The following SEC24D variants were observed in gnomAD, a reference collection of about 807,000 sequenced individuals.
SEC24D encodes the protein SEC24 homolog D, COPII component.
In SEC24D, 69 loss-of-function variants were observed where a neutral mutation model predicts 116.9. The ratio of observed to expected loss-of-function variants is 0.59; its 90% CI spans 0.49 to 0.72. The LOEUF is 0.72. SEC24D is among the 30% of genes least tolerant of loss of function. The pLI, the probability that SEC24D is intolerant of heterozygous loss-of-function variation, is 0.00. For synonymous variants in SEC24D, 405 were observed against 442.8 expected (o/e 0.91, Z 1.07); for missense variants, 1,131 against 1,264.1 (o/e 0.89, Z 1.60).
Position 118,805,395 on chromosome 4 carries a change from C to T in SEC24D, c.913+448G>A, listed in dbSNP as rs114074358. Among the ~76,000 whole-genome samples the T allele has an allele frequency of 3.3e-3, 509 of 152,250 alleles. 3 individuals are homozygous for T. The highest frequency in any genetic ancestry group is 0.012 in the African/African-American group (485 of 41,550). ...CAGCAGAGATGCAGCTCAGCTTCTC[C>T]TCTTTCCAGTTTAAATGTGGGAAAA... On this transcript the variant is annotated intron_variant, in intron 7 of 22. Coordinates refer to ENST00000280551, the MANE Select transcript of SEC24D (RefSeq NM_014822.4).
chr4:118,723,562 C>A lies in SEC24D; in HGVS notation c.3052G>T (p.Asp1018Tyr). The A allele has an allele frequency of 1.2e-6, 2 of 1,613,774 alleles. No individual in the cohort carries two copies. The highest frequency in any genetic ancestry group is 1.7e-6 in the Non-Finnish European group (2 of 1,179,830). Reference protein sequence around the residue: ...KGLYGGSSYVDFLCCVHKEIC... With the variant: ...KGLYGGSSYVYFLCCVHKEIC... ...TCCTTGTGAACACAACAAAGGAAAT[C>A]CACATAAGAAGAGCCTCCGTAAAGT... Residue 1018 changes from aspartate (D) to tyrosine (Y), a missense_variant, in exon 23 of 23, where the codon GAT becomes TAT. Transcript: ENST00000280551.
intron 8 of SEC24D, among the ~76,000 whole-genome samples, chr4:118,774,430 T>C (rs1283581620): frequency 1.3e-5 from 2 of 152,198 alleles, no homozygotes; most frequent in Non-Finnish European, 1.5e-5. Flanking sequence ...TTCTCATTTA[T>C]AAAATCTCAA....
intron 8 of SEC24D, among the ~76,000 whole-genome samples, chr4:118,779,492 G>C (rs1728300501): frequency 6.6e-6 from 1 of 152,146 alleles, no homozygotes; most frequent in Admixed American, 6.5e-5. Context: ...ATGTGCTGTT[G>C]GATTCGGTTT....
intron 18 of SEC24D, among the ~76,000 whole-genome samples, chr4:118,738,711 A>G (rs1048763678): frequency 2.0e-5 from 3 of 152,182 alleles, no homozygotes; most frequent in Non-Finnish European, 2.9e-5. Flanking sequence ...TACCTTTTCC[A>G]AACTTTAGTG....
At chr4:118,818,958 G>A (rs1730272684) in intron 3 of SEC24D, among the ~76,000 whole-genome samples, 1 of 152,074 alleles carries the variant, frequency 6.6e-6, no homozygotes, top group East Asian at 1.9e-4. Flanking sequence ...AGCACCCTTT[G>A]ACTTAAATAC....
chr4:118,744,996 C>T lies in SEC24D; in HGVS notation c.1772G>A (p.Gly591Glu). 6.2e-7 allele frequency: 1 copy of T among 1,612,088 alleles called. No individual in the cohort carries two copies. The highest frequency in any genetic ancestry group is 1.3e-5 in the African/African-American group (1 of 74,634). ...HSSLPTAEAP[G>E]KLKNRDDKKL... is the part of the protein sequence containing the mutation. ...TTTGTCATCTCTGTTTTTGAGCTTCCCTGGTGCTTCAGCAGTTGGCAAGGA... is the reference window on the plus strand; with the variant it reads ...TTTGTCATCTCTGTTTTTGAGCTTCTCTGGTGCTTCAGCAGTTGGCAAGGA... The change falls in exon 14 of 23, where the codon GGG becomes GAG. Residue 591 changes from glycine (G) to glutamate (E), a missense_variant. Physicochemically the swap from Gly to Glu is moderately conservative, Grantham distance 98 (BLOSUM62 -2). Transcript: ENST00000280551.
At chr4:118,822,305 T>C (rs1730432559) in intron 3 of SEC24D, among the ~76,000 whole-genome samples, 1 of 152,332 alleles carries the variant, frequency 6.6e-6, no homozygotes, top group South Asian at 2.1e-4. Context: ...AAACATGTCC[T>C]GACTCTAGAG....
At position 118,722,983 on chromosome 4, in the gene SEC24D, A is replaced by C. The variant is rs1170438416; in HGVS notation, c.*532T>G. The C allele has an allele frequency of 1.3e-5, 2 of 152,588 alleles. No individual in the cohort carries two copies. Among genetic ancestry groups the C allele is most frequent in the East Asian group, 3.9e-4 (2 of 5,192 alleles). The allele number at this position is 152,588 out of a possible 1,614,324, so 9.5% of individuals were successfully genotyped here. On this transcript the variant is annotated 3_prime_UTR_variant, in exon 23 of 23. Transcript: ENST00000280551. ...TTAACATACACAATATATAATTATG[A>C]AAAAAATGTAGAACACATATTGTTC...
intron 8 of SEC24D, chr4:118,769,855 G>T (rs1310495326): frequency 1.3e-5 from 2 of 152,180 alleles, no homozygotes; most frequent in Non-Finnish European, 2.9e-5. Flanking sequence ...CACTGGTAGG[G>T]GTTGTGACAA....
At chr4:118,739,762 A>T (rs1489470445) in intron 17 of SEC24D, among the ~76,000 whole-genome samples, 1 of 152,194 alleles carries the variant, frequency 6.6e-6, no homozygotes, top group Non-Finnish European at 1.5e-5. Flanking sequence ...ATATGTGATT[A>T]AAAAATAAAC....
rs142415170 is a variant in SEC24D, at chr4:118,812,877, A to G, written c.801+2151T>C. ...AAAGAGCACCCTGTAACACACGCCC[A>G]CTGGGACTTCAGCTGTAAACATTCA... On this transcript the variant is annotated intron_variant, in intron 6 of 22. Transcript: ENST00000280551. 6.6e-5 allele frequency among the ~76,000 whole-genome samples: 10 copies of G among 152,224 alleles called. No homozygotes were observed. In the East Asian group the frequency reaches 1.9e-3, roughly 29 times the overall value.
At chr4:118,739,829 G>A (rs1726144844) in intron 17 of SEC24D, among the ~76,000 whole-genome samples, 1 of 152,156 alleles carries the variant, frequency 6.6e-6, no homozygotes, top group Admixed American at 6.6e-5. Context: ...CTTTAAAGAT[G>A]ATGCCAATGT....
intron 8 of SEC24D, among the ~76,000 whole-genome samples, chr4:118,784,747 C>T (rs926030146): frequency 1.3e-5 from 2 of 151,594 alleles, no homozygotes; most frequent in Non-Finnish European, 2.9e-5. Flanking sequence ...CTGCCCCCCC[C>T]CCCGCCACCA....
intron 11 of SEC24D, among the ~76,000 whole-genome samples, chr4:118,755,126 C>CT (rs998917766): frequency 6.6e-6 from 1 of 151,874 alleles, no homozygotes; most frequent in Non-Finnish European, 1.5e-5. Flanking sequence ...TCCATGGGAA[C>CT]TTTTTTTTAT....
Position 118,728,633 on chromosome 4 carries a change from C to T in SEC24D, c.2886G>A (p.Val962=), listed in dbSNP as rs1332449910. 4 of 1,606,766 alleles carry T rather than the reference C, an allele frequency of 2.5e-6. No individual in the cohort carries two copies. ...TGAGTTGTTGAGAGTATGGGTTTCC[C>T]ACTTCAGGCAGCAATGTCTTAGATT... ...INTDMTLLPE[V]GNPYSQQLRM... The change falls in exon 22 of 23, where the codon GTG becomes GTA. Residue 962 remains valine (V), a synonymous_variant. Transcript: ENST00000280551.
At chr4:118,788,899 G>T (rs1465052070) in intron 8 of SEC24D, among the ~76,000 whole-genome samples, 1 of 152,150 alleles carries the variant, frequency 6.6e-6, no homozygotes, top group Non-Finnish European at 1.5e-5. Context: ...CTACAACCCT[G>T]AGAAGAGTGC....
At chr4:118,820,308 G>A (rs1200660189) in intron 3 of SEC24D, among the ~76,000 whole-genome samples, 1 of 151,566 alleles carries the variant, frequency 6.6e-6, no homozygotes, top group African/African-American at 2.4e-5. Context: ...AGCCTTCCGA[G>A]TAGCTGGGAT....
intron 2 of SEC24D, among the ~76,000 whole-genome samples, chr4:118,826,365 T>C (rs1282470864): frequency 3.3e-5 from 5 of 152,208 alleles, no homozygotes; most frequent in Non-Finnish European, 7.3e-5. Context: ...GTTCTGAGAA[T>C]TAAATGAACC....
chr4:118,777,209 G>A (rs1275869154), intron 8 of SEC24D, among the ~76,000 whole-genome samples: 3 of 152,060 alleles, frequency 2.0e-5, no homozygotes, highest in Non-Finnish European at 2.9e-5. Flanking sequence ...TTGGTTTGCT[G>A]CACCCATTAA....
Sources: gnomAD v4.1 joint callset for allele counts (sites outside exome capture counted in the v4.1 genomes callset) on GRCh38, gnomAD v4.1.1 for gene constraint, MANE v1.5 for transcripts, NCBI Gene and HGNC (gene_info 2026-07-23, HGNC 2026-07-21) for gene names.